PRTFDC1: variants seen among roughly 807,000 people sequenced by gnomAD.
The protein encoded by PRTFDC1 is phosphoribosyltransferase domain-containing protein 1.
PRTFDC1 carries 38 observed loss-of-function variants against 34.6 expected under a neutral mutation model. The observed-to-expected ratio is 1.10, with a 90% CI of 0.85 to 1.44. The LOEUF (loss-of-function observed/expected upper bound fraction) is 1.44, where lower values mean the gene tolerates loss of function less well. Among genes scored for constraint, PRTFDC1 ranks in the 40% most tolerant of loss-of-function variants. PRTFDC1 has a pLI of 0.00. For synonymous variants in PRTFDC1, 93 were observed against 98.1 expected (o/e 0.95, Z 0.31); for missense variants, 270 against 283.0 (o/e 0.95, Z 0.33).
chr10:24,926,250 T>C (rs1264830366), intron 3 of PRTFDC1, among the ~76,000 whole-genome samples: 7 of 152,212 alleles, frequency 4.6e-5, no homozygotes, highest in African/African-American at 7.2e-5. Context: ...CTAATAGATA[T>C]AAAGCACTTA....
chr10:24,860,822 G>A (rs1847667236), intron 4 of PRTFDC1, among the ~76,000 whole-genome samples: 1 of 152,142 alleles, frequency 6.6e-6, no homozygotes, highest in African/African-American at 2.4e-5. Flanking sequence ...TACTTGATAT[G>A]TGCATTTTTA....
At chr10:24,910,513 G>C (rs1848609868) in intron 3 of PRTFDC1, among the ~76,000 whole-genome samples, 1 of 152,162 alleles carries the variant, frequency 6.6e-6, no homozygotes, top group Non-Finnish European at 1.5e-5. Flanking sequence ...TCAATGTTGA[G>C]TGTGAGTGAA....
chr10:24,938,352 A>G (rs1040392629), intron 2 of PRTFDC1, among the ~76,000 whole-genome samples: 4 of 152,240 alleles, frequency 2.6e-5, no homozygotes, highest in African/African-American at 7.2e-5. Flanking sequence ...CATGTTGGAA[A>G]TCAACCAAAG....
intron 3 of PRTFDC1, among the ~76,000 whole-genome samples, chr10:24,929,054 AAGAAAGAAAGAAAGAAAG>A (rs1417477503): frequency 1.5e-4 from 14 of 93,494 alleles, no homozygotes; most frequent in African/African-American, 4.7e-4. Flanking sequence ...AAAAAAAAAA[AAGAAAGAAAGAAAGAAAG>A]AAAGGGAGGC....
At chr10:24,867,378 C>T (rs1847798570) in intron 4 of PRTFDC1, among the ~76,000 whole-genome samples, 1 of 152,298 alleles carries the variant, frequency 6.6e-6, no homozygotes, top group East Asian at 1.9e-4. Context: ...AAACTGCTCT[C>T]TCCTCTCTTT....
At chr10:24,947,324 G>A (rs567794936) in intron 1 of PRTFDC1, among the ~76,000 whole-genome samples, 3 of 152,236 alleles carry the variant, frequency 2.0e-5, no homozygotes, top group East Asian at 1.9e-4. Context: ...CATGCAAATC[G>A]TGTTGTAAAT....
intron 3 of PRTFDC1, among the ~76,000 whole-genome samples, chr10:24,905,075 G>T (rs1480493926): frequency 6.6e-6 from 1 of 151,830 alleles, no homozygotes; most frequent in African/African-American, 2.4e-5. Flanking sequence ...GGAAGGCCGA[G>T]GTGGGTGGAT....
intron 4 of PRTFDC1, among the ~76,000 whole-genome samples, chr10:24,865,093 G>A (rs1565258987): frequency 6.6e-6 from 1 of 152,126 alleles, no homozygotes; most frequent in South Asian, 2.1e-4. Flanking sequence ...TCCAGCCTGG[G>A]TGACAGAGTG....
chr10:24,865,107 C>G lies in PRTFDC1; in HGVS notation c.406-6698G>C, dbSNP rs571954603. On this transcript the variant is annotated intron_variant, in intron 4 of 8. Coordinates refer to ENST00000320152, the MANE Select transcript of PRTFDC1 (RefSeq NM_020200.7). ...CTCCAGCCTGGGTGACAGAGTGAGA[C>G]TCTGTCTCAACAAAACAAAACAAAA... Among the ~76,000 whole-genome samples, 13 of 152,182 alleles carry G rather than the reference C, an allele frequency of 8.5e-5. No individual in the cohort carries two copies. In the South Asian group the frequency reaches 2.5e-3, roughly 29 times the overall value.
At chr10:24,892,615 T>C (rs1848284100) in intron 3 of PRTFDC1, among the ~76,000 whole-genome samples, 1 of 152,058 alleles carries the variant, frequency 6.6e-6, no homozygotes, top group East Asian at 1.9e-4. Flanking sequence ...CGAGGCCAAG[T>C]AGGTGACACA....
chr10:24,857,094 TAAAAATGCCATCCA>T (rs1847592191), intron 5 of PRTFDC1, 99 bp from the exon 6 acceptor site: 1 of 1,018,792 alleles, frequency 9.8e-7, no homozygotes, highest in Non-Finnish European at 1.6e-6. Context: ...GCATCGTAAT[TAAAAATGCCATCCA>T]ATTTGGAGCC....
chr10:24,930,427 T>A (rs1428720623), intron 3 of PRTFDC1, among the ~76,000 whole-genome samples: 2 of 151,942 alleles, frequency 1.3e-5, no homozygotes, highest in Non-Finnish European at 1.5e-5. Flanking sequence ...TATAAAACAT[T>A]TCAGAAAAAA....
chr10:24,917,846 T>C (rs1188599357), intron 3 of PRTFDC1, among the ~76,000 whole-genome samples: 1 of 152,118 alleles, frequency 6.6e-6, no homozygotes, highest in African/African-American at 2.4e-5. Flanking sequence ...GCCTCATTGG[T>C]GGGGGCTACG....
At chr10:24,913,054 C>A (rs1394360817) in intron 3 of PRTFDC1, among the ~76,000 whole-genome samples, 4 of 152,206 alleles carry the variant, frequency 2.6e-5, no homozygotes, top group Non-Finnish European at 4.4e-5. Flanking sequence ...TTAATGAAAT[C>A]TTTTCACCAA....
At chr10:24,873,120 C>T (rs75152829) in intron 3 of PRTFDC1, among the ~76,000 whole-genome samples, 5,547 of 152,132 alleles carry the variant, frequency 0.036, 341 homozygotes, top group African/African-American at 0.13. Context: ...GCCACCATGC[C>T]TGGCCTCAGA....
chr10:24,872,175 A>T (rs1847882150), intron 3 of PRTFDC1, 112 bp from the exon 4 acceptor site: 2 of 876,908 alleles, frequency 2.3e-6, no homozygotes, highest in Non-Finnish European at 3.6e-6. Context: ...CAAATATAGC[A>T]CAAATAGCTA....
At chr10:24,940,280 A>C (rs1200057498) in intron 2 of PRTFDC1, among the ~76,000 whole-genome samples, 1 of 152,250 alleles carries the variant, frequency 6.6e-6, no homozygotes, top group African/African-American at 2.4e-5. Flanking sequence ...GTAAGAAAAT[A>C]GTAAGACAAA....
chr10:24,899,924 G>A (rs182490992), intron 3 of PRTFDC1, among the ~76,000 whole-genome samples: 61 of 152,178 alleles, frequency 4.0e-4, no homozygotes, highest in Middle Eastern at 6.8e-3. Context: ...CTCATCTACT[G>A]GTATTGGGGG....
intron 3 of PRTFDC1, among the ~76,000 whole-genome samples, chr10:24,902,922 T>TGCAGTG (rs1848470954): frequency 6.6e-6 from 1 of 152,200 alleles, no homozygotes; most frequent in Non-Finnish European, 1.5e-5. Flanking sequence ...AGGGGCCAGA[T>TGCAGTG]GCAGTGGCTC....
Sources: allele counts gnomAD v4.1 joint callset (sites outside exome capture counted in the v4.1 genomes callset), GRCh38; gene constraint gnomAD v4.1.1; transcripts MANE v1.5; gene names NCBI Gene and HGNC (gene_info 2026-07-23, HGNC 2026-07-21).